Variants in RNF17 observed in about 807,000 individuals in gnomAD.
The protein encoded by RNF17 is ring finger protein 17, also known as spermatogenesis associated 23.
Under a neutral mutation model 200.5 loss-of-function variants are expected in RNF17, and 31 were observed. The observed-to-expected ratio is 0.15, with a 90% CI of 0.12 to 0.21. The LOEUF (loss-of-function observed/expected upper bound fraction) is 0.21. Ranked by LOEUF, RNF17 falls within the 10% of genes least tolerant of loss-of-function variation. The pLI is 1.00. For missense variants in RNF17, 1,628 were observed against 1,905.1 expected, an observed-to-expected ratio of 0.85 and a Z score of 2.71; for synonymous variants, 606 against 637.8, an observed-to-expected ratio of 0.95 and a Z score of 0.75.
At chr13:24,835,354 C>CAGG (rs1889867916) in intron 18 of RNF17, among the ~76,000 whole-genome samples, 1 of 152,180 alleles carries the variant, frequency 6.6e-6, no homozygotes. Context: ...CCACCTCTGG[C>CAGG]AGGAGGCCAA....
intron 2 of RNF17, among the ~76,000 whole-genome samples, chr13:24,771,358 G>A (rs1485277781): frequency 1.8e-5 from 2 of 109,730 alleles, no homozygotes; most frequent in Non-Finnish European, 3.5e-5. Context: ...TTTGGAAGAG[G>A]TGAATCCTTG....
chr13:24,760,583 C>T (rs759404755), upstream of RNF17, among the ~76,000 whole-genome samples: 2 of 151,972 alleles, frequency 1.3e-5, no homozygotes, highest in African/African-American at 2.4e-5. Flanking sequence ...TTGGATATGA[C>T]AACAAAAGCA....
intron 15 of RNF17, among the ~76,000 whole-genome samples, chr13:24,806,439 C>G (rs1885855293): frequency 6.6e-6 from 1 of 152,064 alleles, no homozygotes; most frequent in South Asian, 2.1e-4. Context: ...AATTGCCACA[C>G]CGGTTGAACT....
At chr13:24,762,390 A>AAT (rs1434513125), upstream of RNF17, among the ~76,000 whole-genome samples, 33 of 142,570 alleles carry the variant, frequency 2.3e-4, no homozygotes, top group African/African-American at 8.4e-4. Context: ...AAAAAAAAAA[A>AAT]AAAGAGAATA....
rs201229569 is a variant in RNF17 at position 24,851,610 on chromosome 13, A to T, written c.3320+39A>T. ...TAAAAAATTTTGACATCAGTTTGTGATGGATGCCTCAGTTGCGTGTGCAAA... is the reference window on the plus strand; with the variant it reads ...TAAAAAATTTTGACATCAGTTTGTGTTGGATGCCTCAGTTGCGTGTGCAAA... On this transcript the variant is annotated intron_variant, in intron 24 of 35. Coordinates refer to ENST00000255324, the MANE Select transcript of RNF17 (RefSeq NM_031277.3). 7.4e-5 allele frequency: 91 copies of T among 1,221,500 alleles called. 1 individual carries two copies. Among genetic ancestry groups the T allele is most frequent in the Admixed American group, 5.5e-4 (29 of 52,812 alleles). The allele number at this position is 1,221,500 out of a possible 1,614,324, so 75.7% of individuals were successfully genotyped here.
chr13:24,868,912 A>G (rs537357023), intron 31 of RNF17, among the ~76,000 whole-genome samples, 196 bp downstream of exon 31: 5 of 152,302 alleles, frequency 3.3e-5, no homozygotes, highest in South Asian at 2.1e-4. Flanking sequence ...TTAAGGACCT[A>G]CTGGGTTCCT....
Position 24,774,847 on chromosome 13 carries a change from A to G in RNF17, c.260A>G (p.Tyr87Cys). The change falls in exon 3 of 36, where the codon TAC (tyrosine) becomes TGC (cysteine). Residue 87 changes from tyrosine to cysteine, a missense_variant. Transcript: ENST00000255324. Reference protein sequence around the residue: ...ATAVNTRQRYYPMAGYIKEDS... With the variant: ...ATAVNTRQRYCPMAGYIKEDS... ...GCTGTAAATACTAGACAACGCTACT[A>G]CCCAATGGCTGGATATATTAAGGAA... The G allele has an allele frequency of 6.2e-7, 1 of 1,612,888 alleles. No individual in the cohort carries two copies. Among genetic ancestry groups the G allele is most frequent in the African/African-American group, 1.3e-5 (1 of 75,022 alleles).
intron 3 of RNF17, among the ~76,000 whole-genome samples, chr13:24,775,606 G>A (rs1881450603): frequency 1.3e-5 from 2 of 152,316 alleles, no homozygotes; most frequent in Middle Eastern, 3.4e-3. Context: ...TTTGTGAAGA[G>A]TTGGTTTGAG....
At chr13:24,826,547 G>T (rs1888657854) in intron 16 of RNF17, among the ~76,000 whole-genome samples, 1 of 152,208 alleles carries the variant, frequency 6.6e-6, no homozygotes, top group Non-Finnish European at 1.5e-5. Flanking sequence ...GCTGAGGTGG[G>T]TGGATCGCTT....
At chr13:24,770,542 G>A (rs1349702864) in intron 2 of RNF17, among the ~76,000 whole-genome samples, 1 of 152,114 alleles carries the variant, frequency 6.6e-6, no homozygotes, top group Non-Finnish European at 1.5e-5. Context: ...TAGAAATAAA[G>A]TTTTTAAACC....
rs938473218 is a variant in RNF17 at position 24,846,069 on chromosome 13, A to G, written c.3101+990A>G. Among the ~76,000 whole-genome samples the G allele has an allele frequency of 2.0e-5, 3 of 152,226 alleles. No homozygotes were observed. In the East Asian group the frequency reaches 5.8e-4, roughly 29 times the overall value. ...GATTGTGCTACTGCACTCCAGCCTG[A>G]CACAGTGATTTTTTAACCTAAATAC... is the stretch of plus-strand genomic sequence containing the variant. On this transcript the variant is annotated intron_variant, in intron 22 of 35. Coordinates refer to ENST00000255324, the MANE Select transcript of RNF17 (RefSeq NM_031277.3).
chr13:24,802,748 A>G (rs1485666897), intron 14 of RNF17, among the ~76,000 whole-genome samples, 177 bp downstream of exon 14: 1 of 152,164 alleles, frequency 6.6e-6, no homozygotes, highest in Admixed American at 6.5e-5. Context: ...CTGGATTCAG[A>G]TAATTGGATT....
intron 7 of RNF17, among the ~76,000 whole-genome samples, chr13:24,789,010 A>G (rs1883494820): frequency 5.3e-5 from 8 of 152,190 alleles, no homozygotes; most frequent in Admixed American, 5.2e-4. Flanking sequence ...GATGAAAAAA[A>G]TGATAAAATT....
chr13:24,883,453 TTGAGTCTGGCAGCTAC>T, downstream of RNF17: 1 of 1,129,632 alleles, frequency 8.9e-7, no homozygotes, highest in Middle Eastern at 2.9e-4. Context: ...AAGTAGCCTT[TTGAGTCTGGCAGCTAC>T]TTCTGGAGAC....
intron 31 of RNF17, among the ~76,000 whole-genome samples, chr13:24,870,087 G>T (rs1039370195): frequency 6.6e-6 from 1 of 151,390 alleles, no homozygotes; most frequent in African/African-American, 2.4e-5. Flanking sequence ...GACTACAGGC[G>T]GCTGCCACCA....
At chr13:24,779,115 T>A (rs1881999485) in intron 4 of RNF17, among the ~76,000 whole-genome samples, 1 of 151,836 alleles carries the variant, frequency 6.6e-6, no homozygotes, top group Non-Finnish European at 1.5e-5. Flanking sequence ...GAGAATCTCT[T>A]AAACCTGGGA....
In RNF17 at chr13:24,802,467, A is replaced by T; in HGVS notation, c.1845A>T (p.Glu615Asp). Reference sequence around the variant, plus strand: ...TTTCAATGAAAGTTTTTAGAGAAGAAGATGGTGTGCTTATTGTAGATCTGC... The same window carrying T: ...TTTCAATGAAAGTTTTTAGAGAAGATGATGGTGTGCTTATTGTAGATCTGC... ...KAVSMKVFRE[E>D]DGVLIVDLQK... is the part of the protein sequence containing the mutation. Residue 615 changes from glutamate (E) to aspartate (D), a missense_variant, in exon 14 of 36, where the codon GAA becomes GAT. Glu to Asp is a conservative substitution (Grantham distance 45, BLOSUM62 2). Around this residue, in one of 5 missense-constraint regions of RNF17, gnomAD observed 289 missense variants for 384.9 expected, o/e 0.75. Coordinates refer to ENST00000255324, the MANE Select transcript of RNF17 (RefSeq NM_031277.3). The T allele has an allele frequency of 6.2e-7, 1 of 1,614,028 alleles. No individual in the cohort carries two copies. Among genetic ancestry groups the T allele is most frequent in the South Asian group, 1.1e-5 (1 of 91,046 alleles).
Position 24,799,461 on chromosome 13 carries a change from T to C in RNF17, c.1466T>C (p.Ile489Thr), listed in dbSNP as rs753357022. 1 of 1,610,872 alleles carries C rather than the reference T, an allele frequency of 6.2e-7. No homozygotes were observed. Among genetic ancestry groups the C allele is most frequent in the East Asian group, 2.2e-5 (1 of 44,760 alleles). ...MWCRGTITELIPIEGRNTRKP... is the reference protein window; with the variant it reads ...MWCRGTITELTPIEGRNTRKP... ...TGTCGAGGAACTATCACAGAATTAA[T>C]TCCAATAGAGGGTAGAAATACCAGA... is the stretch of plus-strand genomic sequence containing the variant. Residue 489 changes from isoleucine to threonine, a missense_variant, in exon 12 of 36, where the codon ATT (isoleucine) becomes ACT (threonine). By Grantham distance (89) the Ile-to-Thr change is moderately conservative. Coordinates refer to ENST00000255324, the MANE Select transcript of RNF17 (RefSeq NM_031277.3).
chr13:24,799,410 TCAG>T lies in RNF17; in HGVS notation c.1419_1421del (p.Ser474del). 4 of 1,607,530 alleles carry T rather than the reference TCAG, an allele frequency of 2.5e-6. No individual in the cohort carries two copies. The highest frequency in any genetic ancestry group is 3.4e-6 in the Non-Finnish European group (4 of 1,176,954). On this transcript the variant is annotated inframe_deletion, in exon 12 of 36. Transcript: ENST00000255324. ...CATTATTTAGGTGCAAGAATATTTG[TCAG>T]CAGTATTAAAAATGGAATGTGGTGT...
Sources: gnomAD v4.1 joint callset for allele counts (sites outside exome capture counted in the v4.1 genomes callset) on GRCh38, gnomAD v4.1.1 for gene constraint, gnomAD v4.1.1 regional missense constraint, MANE v1.5 for transcripts, NCBI Gene and HGNC (gene_info 2026-07-23, HGNC 2026-07-21) for gene names.